The following NPAS3 variants were observed in gnomAD, a reference collection of about 807,000 sequenced individuals.
NPAS3 encodes neuronal PAS domain protein 3, also known as neuronal PAS domain-containing protein 3.
In NPAS3, 14 loss-of-function variants were observed where a neutral mutation model predicts 73.1. The observed-to-expected ratio is 0.19, with a 90% CI of 0.13 to 0.30. The LOEUF is 0.30. Ranked by LOEUF, NPAS3 falls within the 10% of genes least tolerant of loss-of-function variation. NPAS3 has a pLI of 1.00. For missense variants in NPAS3, 1,096 were observed against 1,250.0 expected (o/e 0.88, Z 1.86); for synonymous variants, 620 against 541.5 (o/e 1.14, Z -2.01).
intron 2 of NPAS3, among the ~76,000 whole-genome samples, chr14:33,168,454 C>T (rs761378106): frequency 3.9e-5 from 6 of 152,128 alleles, no homozygotes; most frequent in Non-Finnish European, 8.8e-5. Context: ...CATATCATTC[C>T]AAAGACAGGG....
chr14:33,123,130 A>T (rs1190245498), intron 2 of NPAS3, among the ~76,000 whole-genome samples: 2 of 152,084 alleles, frequency 1.3e-5, no homozygotes, highest in Middle Eastern at 6.3e-3. Flanking sequence ...ATAATTAAAT[A>T]ATAGTATTTT....
At chr14:33,021,688 TC>T (rs1260132586) in intron 1 of NPAS3, among the ~76,000 whole-genome samples, 1 of 152,200 alleles carries the variant, frequency 6.6e-6, no homozygotes, top group Non-Finnish European at 1.5e-5. Context: ...ACCCTAATAT[TC>T]CTTTCTCTTC....
At chr14:33,721,295 A>G (rs1452829847) in intron 6 of NPAS3, among the ~76,000 whole-genome samples, 1 of 152,204 alleles carries the variant, frequency 6.6e-6, no homozygotes, top group African/African-American at 2.4e-5. Flanking sequence ...AAGGTTGTAG[A>G]TATTGGTTGT....
At chr14:33,727,972 G>A (rs911034334) in intron 6 of NPAS3, among the ~76,000 whole-genome samples, 1 of 152,144 alleles carries the variant, frequency 6.6e-6, no homozygotes, top group African/African-American at 2.4e-5. Flanking sequence ...TCTCAAAGGC[G>A]ATCTTTACGA....
chr14:33,027,669 G>C (rs997736025), intron 1 of NPAS3, among the ~76,000 whole-genome samples: 1 of 152,024 alleles, frequency 6.6e-6, no homozygotes, highest in Non-Finnish European at 1.5e-5. Flanking sequence ...TTTGTTTTCT[G>C]TATCATATGA....
chr14:33,512,985 A>G (rs1450042988), intron 4 of NPAS3, among the ~76,000 whole-genome samples: 1 of 152,044 alleles, frequency 6.6e-6, no homozygotes, highest in Non-Finnish European at 1.5e-5. Flanking sequence ...TGTGTTTGCA[A>G]TTTTGATGCT....
chr14:33,758,833 G>C (rs1407523185), intron 7 of NPAS3, among the ~76,000 whole-genome samples: 1 of 152,160 alleles, frequency 6.6e-6, no homozygotes, highest in Non-Finnish European at 1.5e-5. Flanking sequence ...TAATTTCCTT[G>C]TTGATTAATT....
chr14:33,553,594 T>G (rs1299370156), intron 4 of NPAS3, among the ~76,000 whole-genome samples: 2 of 152,194 alleles, frequency 1.3e-5, no homozygotes, highest in Non-Finnish European at 2.9e-5. Flanking sequence ...CCTGACAGTA[T>G]GAACCTATGC....
In NPAS3 at chr14:33,703,473, G is replaced by A. The variant is rs185611486; in HGVS notation, c.733+27088G>A. Among the ~76,000 whole-genome samples, 570 of 152,184 alleles carry A rather than the reference G, an allele frequency of 3.7e-3. 3 individuals carry two copies. The highest frequency in any genetic ancestry group is 0.01 in the Middle Eastern group (3 of 294). ...CATACTGCTGCACTTCAGCTTGGGC[G>A]ACAGAGCAAGACCCTGTCTCTTAAA... On this transcript the variant is annotated intron_variant, in intron 6 of 11. Coordinates refer to ENST00000356141, the Ensembl canonical transcript of NPAS3.
intron 3 of NPAS3, among the ~76,000 whole-genome samples, chr14:33,221,196 G>T (rs115296934): frequency 1.4e-3 from 219 of 152,276 alleles, no homozygotes; most frequent in African/African-American, 5.1e-3. Context: ...AAAGGTGTAA[G>T]AAGGGTGAAC....
intron 4 of NPAS3, among the ~76,000 whole-genome samples, chr14:33,390,823 T>C (rs1218598334): frequency 6.6e-6 from 1 of 152,212 alleles, no homozygotes; most frequent in Admixed American, 6.5e-5. Flanking sequence ...GATACTTGTG[T>C]ATTTTTTATT....
At chr14:33,084,165 T>C (rs901457293) in intron 2 of NPAS3, among the ~76,000 whole-genome samples, 2 of 152,224 alleles carry the variant, frequency 1.3e-5, no homozygotes, top group African/African-American at 4.8e-5. Flanking sequence ...ATAACACCTG[T>C]ATTGAATTGG....
Position 33,077,645 on chromosome 14 carries a change from A to G in NPAS3, c.140+21651A>G, listed in dbSNP as rs892481285. Reference sequence around the variant, plus strand: ...TTTGCACTCTAAAAATGGTATTTTTACTAATTTACTAATTAACACTTTTCT... The same window carrying G: ...TTTGCACTCTAAAAATGGTATTTTTGCTAATTTACTAATTAACACTTTTCT... On this transcript the variant is annotated intron_variant, in intron 2 of 11. Transcript: ENST00000356141. 4.6e-5 allele frequency among the ~76,000 whole-genome samples: 7 copies of G among 152,290 alleles called. No individual in the cohort carries two copies. In the East Asian group the frequency reaches 5.8e-4, roughly 13 times the overall value.
At chr14:33,401,085 G>A (rs145592434) in intron 4 of NPAS3, among the ~76,000 whole-genome samples, 19 of 152,240 alleles carry the variant, frequency 1.2e-4, no homozygotes, top group African/African-American at 2.9e-4. Flanking sequence ...TACTGAGGAC[G>A]TTTTCAAGAT....
chr14:33,801,223 C>T (rs2063708769), downstream of NPAS3: 2 of 1,482,790 alleles, frequency 1.3e-6, no homozygotes, highest in East Asian at 2.5e-5. Context: ...CGTCTTCTCT[C>T]GCCACGACGG....
Position 33,800,343 on chromosome 14 carries a change from C to T in NPAS3, c.2036C>T (p.Pro679Leu). ...CGGGAGATCTCCAGGAACGAGTCCCCCTACAGCATGACCAAGCCCCCCAGC... is the reference window on the plus strand; with the variant it reads ...CGGGAGATCTCCAGGAACGAGTCCCTCTACAGCATGACCAAGCCCCCCAGC... The change falls in exon 12 of 12, where the codon CCC (proline) becomes CTC (leucine). Residue 679 changes from proline to leucine, a missense_variant. This residue lies in a region of NPAS3 where 698 missense variants were observed against 676.7 expected (regional missense o/e 1.03). Transcript: ENST00000356141. The surrounding 1 kb of genome is among the most constrained non-coding windows in gnomAD (Gnocchi z 6.5). 1 of 1,613,000 alleles carries T rather than the reference C, an allele frequency of 6.2e-7. No homozygotes were observed.
chr14:33,294,838 T>C (rs17565871), intron 3 of NPAS3, among the ~76,000 whole-genome samples: 43,406 of 151,962 alleles, frequency 0.29, 6,389 homozygotes, highest in Middle Eastern at 0.36. Flanking sequence ...TTGGCAGATA[T>C]CAGTGATGAG....
chr14:33,328,129 TG>T (rs1011200227), intron 3 of NPAS3, among the ~76,000 whole-genome samples: 30 of 152,218 alleles, frequency 2.0e-4, no homozygotes, highest in South Asian at 8.3e-4. Context: ...AGAAGTTTAG[TG>T]GAAAAAAACT....
intron 3 of NPAS3, among the ~76,000 whole-genome samples, chr14:33,237,073 T>C (rs2048059146): frequency 6.6e-6 from 1 of 152,144 alleles, no homozygotes; most frequent in Non-Finnish European, 1.5e-5. Context: ...AAGTCTTTCA[T>C]AGGCTATGGT....
Sources: gnomAD v4.1 joint callset for allele counts (sites outside exome capture counted in the v4.1 genomes callset) on GRCh38, gnomAD v4.1.1 for gene constraint, gnomAD v4.1.1 regional missense constraint, Gnocchi (gnomAD v3.1) non-coding constraint, MANE v1.5 for transcripts, NCBI Gene and HGNC (gene_info 2026-07-23, HGNC 2026-07-21) for gene names.